EXD3: variants seen among roughly 807,000 people sequenced by gnomAD.
The protein encoded by EXD3 is exonuclease 3'-5' domain containing 3.
EXD3 carries 92 observed loss-of-function variants against 98.0 expected under a neutral mutation model. The observed-to-expected ratio is 0.94, with a 90% CI of 0.79 to 1.12. The LOEUF is 1.12. Ranked by LOEUF, EXD3 falls within the 50% of genes most tolerant of loss-of-function variation. EXD3 has a pLI of 0.00. For missense variants in EXD3, 1,222 were observed against 1,191.6 expected, an observed-to-expected ratio of 1.03 and a Z score of -0.38; for synonymous variants, 569 against 526.0, an observed-to-expected ratio of 1.08 and a Z score of -1.12.
intron 1 of EXD3, among the ~76,000 whole-genome samples, chr9:137,410,936 C>T (rs1837968441): frequency 6.6e-6 from 1 of 152,126 alleles, no homozygotes; most frequent in Non-Finnish European, 1.5e-5. Flanking sequence ...GGCAGACCCC[C>T]CAGGGCCTGA....
chr9:137,403,000 C>G (rs1010062397), intron 1 of EXD3, among the ~76,000 whole-genome samples: 2 of 152,100 alleles, frequency 1.3e-5, no homozygotes, highest in Admixed American at 1.3e-4. Context: ...CAATTACTGC[C>G]CCCTGGGTCC....
At chr9:137,364,953 A>G (rs1835148503) in intron 7 of EXD3, among the ~76,000 whole-genome samples, 1 of 151,696 alleles carries the variant, frequency 6.6e-6, no homozygotes, top group South Asian at 2.1e-4. Context: ...TATTTTTAGT[A>G]GAAACGGGGT....
chr9:137,339,827 A>C (rs993682271), intron 17 of EXD3, among the ~76,000 whole-genome samples: 2 of 152,230 alleles, frequency 1.3e-5, no homozygotes, highest in African/African-American at 2.4e-5. Flanking sequence ...TCTAAATCAG[A>C]AACAAGACAA....
At chr9:137,343,236 A>C (rs1833740113) in intron 17 of EXD3, 1 of 152,234 alleles carries the variant, frequency 6.6e-6, no homozygotes, top group African/African-American at 2.4e-5. Flanking sequence ...TTGTGAATTT[A>C]ATTTCTGTTG....
Position 137,407,265 on chromosome 9 carries a change from A to T in EXD3, c.-47-11861T>A, listed in dbSNP as rs1476618394. Among the ~76,000 whole-genome samples, 3 of 152,156 alleles carry T rather than the reference A, an allele frequency of 2.0e-5. No individual in the cohort carries two copies. The highest frequency in any genetic ancestry group is 2.9e-5 in the Non-Finnish European group (2 of 68,018). ...CCAGGCTGGGTCTCCGTTTCCCACC[A>T]GGCCAGCGCTGCAGGCAGAGCCCAG... On this transcript the variant is annotated intron_variant, in intron 1 of 21. Transcript: ENST00000340951. The surrounding 1 kb of genome is among the most constrained non-coding windows in gnomAD (Gnocchi z 4.4).
In EXD3 at chr9:137,310,974, C is replaced by T. The variant is rs377029305; in HGVS notation, c.2185-1274G>A. Among the ~76,000 whole-genome samples the T allele has an allele frequency of 2.8e-4, 43 of 152,322 alleles. No individual in the cohort carries two copies. In the East Asian group the frequency reaches 2.9e-3, roughly 10 times the overall value. The stretch of plus-strand genomic sequence containing the variant: ...CATGGCTGCCGCAGGCAGGTGGCCT[C>T]GAGGCCCCTGGAGCCTCCGGGTGTG... On this transcript the variant is annotated intron_variant, in intron 19 of 21. Transcript: ENST00000340951.
chr9:137,310,616 T>C (rs903751432), intron 19 of EXD3, among the ~76,000 whole-genome samples: 3 of 152,118 alleles, frequency 2.0e-5, no homozygotes, highest in African/African-American at 7.2e-5. Context: ...AGGACCAGCT[T>C]ACACCCGAGT....
intron 10 of EXD3, chr9:137,353,050 G>A (rs1360018903): frequency 7.7e-7 from 1 of 1,300,836 alleles, no homozygotes; most frequent in African/African-American, 1.5e-5. Context: ...CTCCAAGCCT[G>A]AGGTGAAGGC....
At chr9:137,335,484 G>T (rs1833310752) in intron 17 of EXD3, among the ~76,000 whole-genome samples, 1 of 152,070 alleles carries the variant, frequency 6.6e-6, no homozygotes, top group South Asian at 2.1e-4. Flanking sequence ...TTCGAGACCA[G>T]CCTGCCCAAC....
chr9:137,392,825 T>G, intron 2 of EXD3: 1 of 374,242 alleles, frequency 2.7e-6, no homozygotes, highest in South Asian at 2.1e-5. Context: ...GCCGTGTCTG[T>G]TCCAGGGAGG....
chr9:137,397,280 C>T (rs769004350), intron 1 of EXD3, among the ~76,000 whole-genome samples: 16 of 152,160 alleles, frequency 1.1e-4, no homozygotes, highest in Non-Finnish European at 1.9e-4. Context: ...AGACCAAGCC[C>T]GTGAAAGCTG....
chr9:137,384,017 G>A (rs1836460052), intron 2 of EXD3, among the ~76,000 whole-genome samples: 1 of 152,206 alleles, frequency 6.6e-6, no homozygotes, highest in African/African-American at 2.4e-5. Flanking sequence ...GACCCACTCA[G>A]GCCTGGTCAT....
intron 19 of EXD3, among the ~76,000 whole-genome samples, chr9:137,318,326 C>A (rs1281707730): frequency 6.6e-6 from 1 of 152,140 alleles, no homozygotes; most frequent in Non-Finnish European, 1.5e-5. Context: ...TGCCGGCACC[C>A]CCCCTCGTCC....
chr9:137,382,888 C>T (rs931390500), intron 3 of EXD3, among the ~76,000 whole-genome samples: 2 of 152,184 alleles, frequency 1.3e-5, no homozygotes, highest in African/African-American at 2.4e-5. Context: ...TGGCCTCTCC[C>T]GCCCAGCCTC....
intron 5 of EXD3, among the ~76,000 whole-genome samples, chr9:137,372,075 C>G (rs912588486): frequency 2.6e-5 from 4 of 152,182 alleles, no homozygotes; most frequent in Non-Finnish European, 5.9e-5. Flanking sequence ...AAAGGAGACT[C>G]AGCAAACCAC....
At chr9:137,352,014 C>T (rs1179552431) in intron 12 of EXD3, 52 bp downstream of exon 12, 1 of 1,558,754 alleles carries the variant, frequency 6.4e-7, no homozygotes, top group Admixed American at 1.9e-5. Flanking sequence ...CCTCCAGTGC[C>T]TGGCAGGGGG....
chr9:137,328,751 A>G (rs375897245), intron 17 of EXD3, among the ~76,000 whole-genome samples: 4 of 13,378 alleles, frequency 3.0e-4, no homozygotes, highest in South Asian at 3.3e-3. Context: ...GCTACACGGG[A>G]CTACACGGGA....
At chr9:137,381,244 C>T (rs1836248788) in intron 3 of EXD3, 1 of 148,108 alleles carries the variant, frequency 6.8e-6, no homozygotes, top group African/African-American at 2.5e-5. Context: ...AACTCCGTCT[C>T]TACTAAAAAT....
intron 17 of EXD3, among the ~76,000 whole-genome samples, chr9:137,328,861 G>A (rs1174699016): frequency 1.3e-4 from 5 of 39,294 alleles, no homozygotes; most frequent in African/African-American, 3.5e-4. Context: ...GCTACACGGG[G>A]CTACACGGGA....
Sources: gnomAD v4.1 joint callset for allele counts (sites outside exome capture counted in the v4.1 genomes callset) on GRCh38, gnomAD v4.1.1 for gene constraint, Gnocchi (gnomAD v3.1) non-coding constraint, MANE v1.5 for transcripts, NCBI Gene and HGNC (gene_info 2026-07-23, HGNC 2026-07-21) for gene names.